KCNQ1: variants seen among roughly 807,000 people sequenced by gnomAD.
KCNQ1 encodes potassium voltage-gated channel subfamily KQT member 1.
A neutral mutation model predicts 72.4 loss-of-function variants in KCNQ1; 49 were observed. The observed-to-expected ratio is 0.68, with a 90% CI of 0.54 to 0.86. KCNQ1 has a LOEUF of 0.86. Among genes scored for constraint, KCNQ1 ranks in the 40% least tolerant of loss-of-function variants. KCNQ1 has a pLI of 0.00. For synonymous variants in KCNQ1, 450 were observed against 412.6 expected, an observed-to-expected ratio of 1.09 and a Z score of -1.10; for missense variants, 790 against 945.1, an observed-to-expected ratio of 0.84 and a Z score of 2.15.
rs1590012319 is a variant in KCNQ1 at position 2,659,103 on chromosome 11, C to T, written c.1394-2858C>T. The T allele has an allele frequency of 1.0e-5, 4 of 398,560 alleles. No homozygotes were observed. Among genetic ancestry groups the T allele is most frequent in the South Asian group, 2.5e-4 (2 of 7,848 alleles). The allele number at this position is 398,560 out of a possible 1,614,324, so 24.7% of individuals were successfully genotyped here. A position where few individuals can be genotyped will look rare whatever the true frequency, so the allele number is the denominator to read the frequency against. On this transcript the variant is annotated intron_variant, in intron 10 of 15. Coordinates refer to ENST00000155840, the MANE Select transcript of KCNQ1 (RefSeq NM_000218.3). The surrounding 1 kb of genome is among the most constrained non-coding windows in gnomAD (Gnocchi z 4.3). ...TTTCATCGTAGGGTCCTCCAACATCCGGGTTAATTTTTTAAATTTGCATAC... is the reference window on the plus strand; with the variant it reads ...TTTCATCGTAGGGTCCTCCAACATCTGGGTTAATTTTTTAAATTTGCATAC...
rs1849814182 is a variant in KCNQ1 at position 2,654,797 on chromosome 11, A to G, written c.1394-7164A>G. 1 of 398,534 alleles carries G rather than the reference A, an allele frequency of 2.5e-6. No individual in the cohort carries two copies. The highest frequency in any genetic ancestry group is 4.4e-6 in the Non-Finnish European group (1 of 226,134). 24.7% of individuals were successfully genotyped at this position (398,534 alleles called of 1,614,324 possible). ...TGAGACCAGAATTTCTTGGGAACAG[A>G]AAGCCTCAAAGACTTTCATGATAGG... On this transcript the variant is annotated intron_variant, in intron 10 of 15. Transcript: ENST00000155840. This position sits in a 1 kb window ranked among gnomAD's most constrained non-coding sequence, Gnocchi z 6.4.
chr11:2,605,595 T>C (rs1848867750), intron 10 of KCNQ1, among the ~76,000 whole-genome samples: 2 of 152,254 alleles, frequency 1.3e-5, no homozygotes, highest in Non-Finnish European at 2.9e-5. Context: ...CAATTGACCA[T>C]AGATATATGG....
rs1012379374 is a variant in KCNQ1 at position 2,663,186 on chromosome 11, G to C, written c.1514+1105G>C. 1.0e-5 allele frequency: 4 copies of C among 398,658 alleles called. No individual in the cohort carries two copies. In the East Asian group the frequency reaches 1.4e-4, roughly 14 times the overall value. The allele number at this position is 398,658 out of a possible 1,614,324, so 24.7% of individuals were successfully genotyped here. On this transcript the variant is annotated intron_variant, in intron 11 of 15. Coordinates refer to ENST00000155840, the MANE Select transcript of KCNQ1 (RefSeq NM_000218.3). The surrounding 1 kb of genome is among the most constrained non-coding windows in gnomAD (Gnocchi z 5.2). ...CCCCCAGTTCACAGAGAGGTTGGCA[G>C]TACCTCATGGTGGGTAGGGTGTGAA...
chr11:2,590,968 C>A (rs1370310372), intron 10 of KCNQ1, among the ~76,000 whole-genome samples: 2 of 152,236 alleles, frequency 1.3e-5, no homozygotes, highest in African/African-American at 4.8e-5. Context: ...ATGTGCTCAG[C>A]CATCCAAGTA....
rs1046249034 is a variant in KCNQ1, at chr11:2,640,478, G to T, written c.1394-21483G>T. The stretch of plus-strand genomic sequence containing the variant: ...CTTCTTAATTTTTTGTAGAGACAGG[G>T]TCGTGCATTGTTGCCCAGGCTGGTC... On this transcript the variant is annotated intron_variant, in intron 10 of 15. Transcript: ENST00000155840. 4 of 398,328 alleles carry T rather than the reference G, an allele frequency of 1.0e-5. No homozygotes were observed. In the Admixed American group the frequency reaches 1.3e-4, roughly 13 times the overall value. The allele number at this position is 398,328 out of a possible 1,614,324, so 24.7% of individuals were successfully genotyped here. A position where few individuals can be genotyped will look rare whatever the true frequency, so the allele number is the denominator to read the frequency against.
chr11:2,779,940 G>T (rs1356540896), intron 15 of KCNQ1, among the ~76,000 whole-genome samples: 1 of 152,240 alleles, frequency 6.6e-6, no homozygotes, highest in African/African-American at 2.4e-5. Flanking sequence ...CTAGGGCAAG[G>T]TTTAAGAACA....
In KCNQ1 at chr11:2,671,263, T is replaced by G. The variant is rs1168480882; in HGVS notation, c.1514+9182T>G. On this transcript the variant is annotated intron_variant, in intron 11 of 15. Transcript: ENST00000155840. The surrounding 1 kb of genome is among the most constrained non-coding windows in gnomAD (Gnocchi z 4.7). ...ACCTCAAAATCCGATGTCCCCACCA[T>G]CCCCAGCCCCTTAGCCTCTGATCTT... 1 of 398,470 alleles carries G rather than the reference T, an allele frequency of 2.5e-6. No individual in the cohort carries two copies. Among genetic ancestry groups the G allele is most frequent in the Admixed American group, 4.4e-5 (1 of 22,712 alleles). 24.7% of individuals were successfully genotyped at this position (398,470 alleles called of 1,614,324 possible). A position where few individuals can be genotyped will look rare whatever the true frequency, so the allele number is the denominator to read the frequency against.
Position 2,464,216 on chromosome 11 carries a change from G to A in KCNQ1, c.386+18732G>A, listed in dbSNP as rs958783355. Among the ~76,000 whole-genome samples, 1 of 152,218 alleles carries A rather than the reference G, an allele frequency of 6.6e-6. No homozygotes were observed. The highest frequency in any genetic ancestry group is 2.4e-5 in the African/African-American group (1 of 41,450). ...CTGGGCCGGAACACATGGACGTCCA[G>A]GTGTGGAATGGCCCGGACAGCAGAT... On this transcript the variant is annotated intron_variant, in intron 1 of 15. Coordinates refer to ENST00000155840, the MANE Select transcript of KCNQ1 (RefSeq NM_000218.3). This position sits in a 1 kb window ranked among gnomAD's most constrained non-coding sequence, Gnocchi z 5.0.
At position 2,450,975 on chromosome 11, in the gene KCNQ1, C is replaced by T. The variant is rs1589887253; in HGVS notation, c.386+5491C>T. On this transcript the variant is annotated intron_variant, in intron 1 of 15. Transcript: ENST00000155840. This position sits in a 1 kb window ranked among gnomAD's most constrained non-coding sequence, Gnocchi z 7.9. ...GGTGGGGAAGATCCATGATGGGACCCAGGTGTCTTCCCACTTCTCGACCAT... is the reference window on the plus strand; with the variant it reads ...GGTGGGGAAGATCCATGATGGGACCTAGGTGTCTTCCCACTTCTCGACCAT... Among the ~76,000 whole-genome samples, 2 of 152,096 alleles carry T rather than the reference C, an allele frequency of 1.3e-5. No individual in the cohort carries two copies. Among genetic ancestry groups the T allele is most frequent in the Admixed American group, 1.3e-4 (2 of 15,262 alleles).
At position 2,541,784 on chromosome 11, in the gene KCNQ1, G is replaced by A. The variant is rs911921715; in HGVS notation, c.477+13766G>A. Among the ~76,000 whole-genome samples, 10 of 151,394 alleles carry A rather than the reference G, an allele frequency of 6.6e-5. No individual in the cohort carries two copies. Among genetic ancestry groups the A allele is most frequent in the African/African-American group, 2.2e-4 (9 of 41,072 alleles). ...CCTTTGGAAAACCCCCTCTCATCCC[G>A]GGAGTTTGTAAGAATTTGTAGTTTC... is the stretch of plus-strand genomic sequence containing the variant. On this transcript the variant is annotated intron_variant, in intron 2 of 15. Transcript: ENST00000155840. This position sits in a 1 kb window ranked among gnomAD's most constrained non-coding sequence, Gnocchi z 4.8.
Position 2,677,455 on chromosome 11 carries a change from T to G in KCNQ1, c.1514+15374T>G, listed in dbSNP as rs943847291. 1 of 398,480 alleles carries G rather than the reference T, an allele frequency of 2.5e-6. No homozygotes were observed. Among genetic ancestry groups the G allele is most frequent in the African/African-American group, 2.1e-5 (1 of 48,630 alleles). The allele number at this position is 398,480 out of a possible 1,614,324, so 24.7% of individuals were successfully genotyped here. A position where few individuals can be genotyped will look rare whatever the true frequency, so the allele number is the denominator to read the frequency against. Reference sequence around the variant, plus strand: ...GATGATAATTGATGCAGGTGGCCTCTTGGTCAAGCAGTGAAACCATGCCAT... The same window carrying G: ...GATGATAATTGATGCAGGTGGCCTCGTGGTCAAGCAGTGAAACCATGCCAT... On this transcript the variant is annotated intron_variant, in intron 11 of 15. Transcript: ENST00000155840. This position sits in a 1 kb window ranked among gnomAD's most constrained non-coding sequence, Gnocchi z 4.5.
intron 12 of KCNQ1, among the ~76,000 whole-genome samples, chr11:2,774,364 G>A (rs1177697913): frequency 6.6e-6 from 1 of 152,214 alleles, no homozygotes; most frequent in African/African-American, 2.4e-5. Context: ...GTGGCCCCAG[G>A]AGCAGCAGGC....
chr11:2,514,140 C>T (rs955940095), intron 1 of KCNQ1, among the ~76,000 whole-genome samples: 4 of 152,240 alleles, frequency 2.6e-5, no homozygotes, highest in Non-Finnish European at 5.9e-5. Flanking sequence ...ATGCCCCCCT[C>T]CCCTGCCATT....
intron 1 of KCNQ1, among the ~76,000 whole-genome samples, chr11:2,485,524 G>A (rs952877751): frequency 3.9e-5 from 6 of 151,982 alleles, no homozygotes; most frequent in African/African-American, 1.2e-4. Flanking sequence ...CTTTAATTGC[G>A]GTAAGATACA....
intron 10 of KCNQ1, chr11:2,644,621 A>G (rs1463002229): frequency 2.5e-6 from 1 of 398,302 alleles, no homozygotes; most frequent in Non-Finnish European, 4.4e-6. Context: ...TTGCCTTTTC[A>G]TGTTTCTTGT....
At chr11:2,694,723 G>A (rs1222780642) in intron 11 of KCNQ1, 1 of 398,514 alleles carries the variant, frequency 2.5e-6, no homozygotes, top group Non-Finnish European at 4.4e-6. Flanking sequence ...GGAAGAGATA[G>A]GCAGCCAACA....
At position 2,624,842 on chromosome 11, in the gene KCNQ1, CTCT is replaced by C. The variant is rs1345289062; in HGVS notation, c.1393+35993_1393+35995del. 7.5e-6 allele frequency: 3 copies of C among 398,416 alleles called. No individual in the cohort carries two copies. The highest frequency in any genetic ancestry group is 1.3e-5 in the Non-Finnish European group (3 of 226,064). The allele number at this position is 398,416 out of a possible 1,614,324, so 24.7% of individuals were successfully genotyped here. Reference sequence around the variant, plus strand: ...ATATAAGTGGAAACATACAGTACTTCTCTTCTTGTGACTGCTGTATTTCATTTA... The same window carrying C: ...ATATAAGTGGAAACATACAGTACTTCTCTTGTGACTGCTGTATTTCATTTA... On this transcript the variant is annotated intron_variant, in intron 10 of 15. Coordinates refer to ENST00000155840, the MANE Select transcript of KCNQ1 (RefSeq NM_000218.3). This position sits in a 1 kb window ranked among gnomAD's most constrained non-coding sequence, Gnocchi z 4.9.
In KCNQ1 at chr11:2,488,042, TA is replaced by T. The variant is rs1206902060; in HGVS notation, c.387-39885del. On this transcript the variant is annotated intron_variant, in intron 1 of 15. Transcript: ENST00000155840. This position sits in a 1 kb window ranked among gnomAD's most constrained non-coding sequence, Gnocchi z 5.1. ...TTATTATGTTAAGGTAGTTTCCTTCTATTCCTAGTTTGTTGAGAGTTTTTAA... is the reference window on the plus strand; with the variant it reads ...TTATTATGTTAAGGTAGTTTCCTTCTTTCCTAGTTTGTTGAGAGTTTTTAA... Among the ~76,000 whole-genome samples, 7 of 152,206 alleles carry T rather than the reference TA, an allele frequency of 4.6e-5. No homozygotes were observed. Among genetic ancestry groups the T allele is most frequent in the African/African-American group, 1.7e-4 (7 of 41,468 alleles).
In KCNQ1 at chr11:2,526,036, C is replaced by T. The variant is rs1403647698; in HGVS notation, c.387-1892C>T. 6.6e-6 allele frequency among the ~76,000 whole-genome samples: 1 copy of T among 152,166 alleles called. No homozygotes were observed. The highest frequency in any genetic ancestry group is 2.4e-5 in the African/African-American group (1 of 41,436). ...TCAGAGCTGGCCTCTGCCTATGAGA[C>T]AGGGCCCGCTGGCAGGACCCTCAAG... On this transcript the variant is annotated intron_variant, in intron 1 of 15. Transcript: ENST00000155840. This position sits in a 1 kb window ranked among gnomAD's most constrained non-coding sequence, Gnocchi z 6.1.
Sources: allele counts gnomAD v4.1 joint callset (sites outside exome capture counted in the v4.1 genomes callset), GRCh38; gene constraint gnomAD v4.1.1; non-coding constraint Gnocchi (gnomAD v3.1); transcripts MANE v1.5; gene names NCBI Gene and HGNC (gene_info 2026-07-23, HGNC 2026-07-21).